Variants in EMB observed in about 807,000 individuals in gnomAD.
EMB encodes the protein embigin.
In EMB, 31 loss-of-function variants were observed where a neutral mutation model predicts 41.4. That is an observed-to-expected ratio of 0.75 (90% CI 0.56 to 1.01). The LOEUF is 1.01. EMB is among the 50% of genes least tolerant of loss of function. EMB has a pLI of 0.00. For missense variants in EMB, 379 were observed against 388.3 expected, an observed-to-expected ratio of 0.98 and a Z score of 0.20; for synonymous variants, 137 against 140.4, an observed-to-expected ratio of 0.98 and a Z score of 0.17.
Position 50,435,379 on chromosome 5 carries a change from C to T in EMB, c.112+5661G>A, listed in dbSNP as rs565385855. On this transcript the variant is annotated intron_variant, in intron 1 of 8. Transcript: ENST00000303221. ...AAGTTTCAAAAAAAAGTCCCTATAA[C>T]GCACTTGGTAGCAAAAGGTTCCAGC... 4.6e-5 allele frequency among the ~76,000 whole-genome samples: 7 copies of T among 152,256 alleles called. No homozygotes were observed. The East Asian group carries it at 5.8e-4, about 13-fold the overall frequency.
intron 7 of EMB, among the ~76,000 whole-genome samples, chr5:50,400,418 C>T (rs1201659956): frequency 1.3e-5 from 2 of 151,796 alleles, no homozygotes; most frequent in Non-Finnish European, 1.5e-5. Context: ...AATACCTTGC[C>T]CTTCAAGGTC....
rs776839203 is a variant in EMB, at chr5:50,405,882, C to T, written c.473-30G>A. 10 of 1,557,832 alleles carry T rather than the reference C, an allele frequency of 6.4e-6. No individual in the cohort carries two copies. The East Asian group carries it at 1.8e-4, about 29-fold the overall frequency. ...GAATAAAATAGAGAAATGTATGTTACTGAAAGAGTTTAGGTAAAGGAAATG... is the reference window on the plus strand; with the variant it reads ...GAATAAAATAGAGAAATGTATGTTATTGAAAGAGTTTAGGTAAAGGAAATG... On this transcript the variant is annotated intron_variant, in intron 4 of 8. Coordinates refer to ENST00000303221, the MANE Select transcript of EMB (RefSeq NM_198449.3).
intron 2 of EMB, 99 bp downstream of exon 2, chr5:50,428,045 G>A (rs1177272761): frequency 2.3e-5 from 18 of 773,610 alleles, no homozygotes. Flanking sequence ...CAGGAACAGG[G>A]ATTACCACTT....
chr5:50,408,007 T>C (rs1444296339), intron 4 of EMB, among the ~76,000 whole-genome samples: 2 of 152,006 alleles, frequency 1.3e-5, no homozygotes, highest in Non-Finnish European at 2.9e-5. Flanking sequence ...GAAAAAAGAT[T>C]ACTCCATGTA....
intron 7 of EMB, among the ~76,000 whole-genome samples, chr5:50,400,882 G>A (rs567923351): frequency 3.4e-4 from 52 of 152,136 alleles, no homozygotes; most frequent in African/African-American, 1.2e-3. Flanking sequence ...TCCTTTCAGA[G>A]TGTGTTTTAA....
In EMB at chr5:50,441,188, G is replaced by T. The variant is rs1441096955; in HGVS notation, c.-37C>A. ...GTCCGCCTGGGTCCTCGTGGAGACT[G>T]CTCCCTCAGCTCGCCGCCGCGGGTG... On this transcript the variant is annotated 5_prime_UTR_variant, in exon 1 of 9. Coordinates refer to ENST00000303221, the MANE Select transcript of EMB (RefSeq NM_198449.3). 1.6e-6 allele frequency: 2 copies of T among 1,254,728 alleles called. No individual in the cohort carries two copies. The highest frequency in any genetic ancestry group is 2.1e-6 in the Non-Finnish European group (2 of 966,354). The allele number at this position is 1,254,728 out of a possible 1,614,324, so 77.7% of individuals were successfully genotyped here.
chr5:50,437,321 G>A (rs1319942420), intron 1 of EMB, among the ~76,000 whole-genome samples: 1 of 152,096 alleles, frequency 6.6e-6, no homozygotes, highest in East Asian at 1.9e-4. Flanking sequence ...TAGGCTTATG[G>A]TTCATCTGTT....
At chr5:50,409,801 G>A (rs1745305777) in intron 4 of EMB, among the ~76,000 whole-genome samples, 1 of 151,814 alleles carries the variant, frequency 6.6e-6, no homozygotes, top group Non-Finnish European at 1.5e-5. Context: ...CAAATGGAGG[G>A]AAAAAAGTTA....
rs796237241 is a variant in EMB at position 50,429,491 on chromosome 5, T to C, written c.113-1264A>G. ...CTTTTGTTACTTTAGCTTTAGAACA[T>C]TGCTTTTACAATATCGCCTAGTAAA... On this transcript the variant is annotated intron_variant, in intron 1 of 8. Coordinates refer to ENST00000303221, the MANE Select transcript of EMB (RefSeq NM_198449.3). Among the ~76,000 whole-genome samples the C allele has an allele frequency of 5.3e-5, 8 of 152,346 alleles. 1 individual carries two copies. Among genetic ancestry groups the C allele is most frequent in the African/African-American group, 1.9e-4 (8 of 41,582 alleles).
chr5:50,404,730 T>C (rs757571537), intron 5 of EMB, among the ~76,000 whole-genome samples: 3 of 151,770 alleles, frequency 2.0e-5, no homozygotes, highest in Non-Finnish European at 4.4e-5. Context: ...ATATACACAA[T>C]GACTGCCTTT....
Position 50,399,214 on chromosome 5 carries a change from C to T in EMB, c.*59G>A, listed in dbSNP as rs4030567. The T allele has an allele frequency of 0.21, 333,138 of 1,592,680 alleles. 35,608 individuals are homozygous for T. Among genetic ancestry groups the T allele is most frequent in the East Asian group, 0.26 (11,414 of 44,230 alleles). Reference sequence around the variant, plus strand: ...AGAGGCTCTTAACAGGAAGGATAAACAAAGCTGAAATACGAACTCTGTATA... The same window carrying T: ...AGAGGCTCTTAACAGGAAGGATAAATAAAGCTGAAATACGAACTCTGTATA... On this transcript the variant is annotated 3_prime_UTR_variant, in exon 9 of 9. Transcript: ENST00000303221.
intron 1 of EMB, among the ~76,000 whole-genome samples, chr5:50,431,837 C>A (rs1171938536): frequency 1.3e-5 from 2 of 152,116 alleles, no homozygotes; most frequent in Admixed American, 1.3e-4. Flanking sequence ...CTTTGCAGGG[C>A]AGTTGAGGCA....
chr5:50,405,786 C>A lies in EMB; in HGVS notation c.539G>T (p.Cys180Phe). The A allele has an allele frequency of 6.2e-7, 1 of 1,606,732 alleles. No homozygotes were observed. The highest frequency in any genetic ancestry group is 1.3e-5 in the African/African-American group (1 of 74,488). The change falls in exon 5 of 9, where the codon TGT (cysteine) becomes TTT (phenylalanine). Residue 180 changes from cysteine (C) to phenylalanine (F), a missense_variant. Physicochemically the swap from Cys to Phe is radical, Grantham distance 205. Transcript: ENST00000303221. ...SYVGDSTVLT[C>F]KCQNCFPLNW... ...TAAAGGAAAACAATTTTGACATTTA[C>A]ATGTCAAGACAGTAGAATCCCCTAC...
At chr5:50,438,124 T>C (rs1461764556) in intron 1 of EMB, among the ~76,000 whole-genome samples, 2 of 152,178 alleles carry the variant, frequency 1.3e-5, no homozygotes, top group Non-Finnish European at 2.9e-5. Flanking sequence ...GAGAGACAAC[T>C]GGATATTGTG....
intron 2 of EMB, among the ~76,000 whole-genome samples, chr5:50,418,292 T>C (rs1416998611): frequency 6.6e-6 from 1 of 152,244 alleles, no homozygotes; most frequent in Non-Finnish European, 1.5e-5. Flanking sequence ...TCCAACACTA[T>C]AGTGGGGACC....
chr5:50,431,720 T>C (rs762666472), intron 1 of EMB, among the ~76,000 whole-genome samples: 46 of 152,234 alleles, frequency 3.0e-4, no homozygotes, highest in Non-Finnish European at 6.0e-4. Flanking sequence ...TCTTAATCAT[T>C]GCTGGAAAAT....
At chr5:50,421,017 C>G (rs1021155311) in intron 2 of EMB, among the ~76,000 whole-genome samples, 3 of 152,126 alleles carry the variant, frequency 2.0e-5, no homozygotes, top group Non-Finnish European at 4.4e-5. Context: ...ACTAATCTAG[C>G]AGGGGACATA....
At chr5:50,403,116 T>C (rs1745191604) in intron 6 of EMB, 62 bp downstream of exon 6, 1 of 1,416,668 alleles carries the variant, frequency 7.1e-7, no homozygotes. Flanking sequence ...AAGTAAATGA[T>C]ACTTATAATT....
At chr5:50,438,900 TACC>T (rs1299759866) in intron 1 of EMB, among the ~76,000 whole-genome samples, 2 of 149,986 alleles carry the variant, frequency 1.3e-5, no homozygotes, top group African/African-American at 5.0e-5. Context: ...ATTTGTTTCC[TACC>T]TTTTTTTTTT....
Sources: gnomAD v4.1 joint callset for allele counts (sites outside exome capture counted in the v4.1 genomes callset) on GRCh38, gnomAD v4.1.1 for gene constraint, MANE v1.5 for transcripts, NCBI Gene and HGNC (gene_info 2026-07-23, HGNC 2026-07-21) for gene names.